The following PGM1 variants were observed in gnomAD, a reference collection of about 807,000 sequenced individuals.
PGM1 encodes phosphoglucomutase 1.
PGM1 carries 52 observed loss-of-function variants against 55.6 expected under a neutral mutation model. That is an observed-to-expected ratio of 0.94 (90% confidence interval 0.75 to 1.18). The LOEUF (loss-of-function observed/expected upper bound fraction) is 1.18, where lower values mean the gene tolerates loss of function less well. Among genes scored for constraint, PGM1 ranks in the 50% most tolerant of loss-of-function variants. The probability of loss-of-function intolerance (pLI) is 0.00; values close to 1 mark genes in which losing one functional copy is unlikely to be tolerated. For missense variants in PGM1, 724 were observed against 729.3 expected (o/e 0.99, Z 0.08); for synonymous variants, 287 against 271.7 (o/e 1.06, Z -0.55).
chr1:63,623,587 A>T (rs1190491869), intron 1 of PGM1: 1 of 1,612,874 alleles, frequency 6.2e-7, no homozygotes, highest in African/African-American at 1.3e-5. Context: ...ATTACGGAAG[A>T]AAACCTATTA....
At position 63,638,752 on chromosome 1, in the gene PGM1, A is replaced by G. The variant is rs768577524; in HGVS notation, c.1096A>G (p.Met366Val). The G allele has an allele frequency of 1.9e-6, 3 of 1,613,982 alleles. No individual in the cohort carries two copies. Among genetic ancestry groups the G allele is most frequent in the Admixed American group, 1.7e-5 (1 of 60,010 alleles). The part of the protein sequence containing the change: ...PTGWKFFGNL[M>V]DASKLSLCGE... ...TGGCTGGAAGTTTTTTGGGAATTTG[A>G]TGGACGCGAGCAAACTGTCCCTTTG... Residue 366 changes from methionine to valine, a missense_variant, in exon 7 of 11, where the codon ATG (methionine) becomes GTG (valine). Transcript: ENST00000371084.
chr1:63,624,486 T>C (rs78484037), intron 1 of PGM1, among the ~76,000 whole-genome samples: 1,833 of 152,328 alleles, frequency 0.012, 31 homozygotes, highest in African/African-American at 0.041. Context: ...CCAGAACGCA[T>C]TGATCTTGAT....
chr1:63,612,472 A>G (rs773862262), intron 1 of PGM1, among the ~76,000 whole-genome samples: 6 of 152,140 alleles, frequency 3.9e-5, no homozygotes, highest in Admixed American at 6.5e-5. Flanking sequence ...TTTGACATAC[A>G]GTGTGGTTGT....
chr1:63,629,298 C>A (rs1434668478), intron 1 of PGM1, 127 bp from the exon 2 acceptor site: 6 of 824,280 alleles, frequency 7.3e-6, no homozygotes, highest in Admixed American at 5.3e-5. Flanking sequence ...TAAATAAAAT[C>A]TTTTCTTGTC....
rs181680269 is a variant in PGM1 at position 63,612,401 on chromosome 1, G to A, written c.247-17024G>A. On this transcript the variant is annotated intron_variant, in intron 1 of 10. Transcript: ENST00000371084. ...TGGGTCAACTGGCCTGAACCCATAC[G>A]TAGAATGATTGATATATAGTTCACT... Among the ~76,000 whole-genome samples, 31 of 152,266 alleles carry A rather than the reference G, an allele frequency of 2.0e-4. No homozygotes were observed. In the East Asian group the frequency reaches 5.2e-3, roughly 26 times the overall value.
chr1:63,594,269 C>A, intron 1 of PGM1: 1 of 336,490 alleles, frequency 3.0e-6, no homozygotes, highest in South Asian at 1.2e-4. Context: ...GTGGCGAGAG[C>A]ACCCATCCCC....
chr1:63,603,086 G>C (rs939633294), intron 1 of PGM1, among the ~76,000 whole-genome samples: 1 of 152,152 alleles, frequency 6.6e-6, no homozygotes, highest in African/African-American at 2.4e-5. Context: ...TCCCCTCACT[G>C]CCCCCCAACT....
chr1:63,627,065 C>CCCA (rs1553119976), intron 1 of PGM1, among the ~76,000 whole-genome samples: 7 of 98,298 alleles, frequency 7.1e-5, no homozygotes, highest in African/African-American at 1.8e-4. Flanking sequence ...CCCCCCCCCC[C>CCCA]CACACACACA....
intron 1 of PGM1, among the ~76,000 whole-genome samples, chr1:63,601,913 A>G (rs1008161760): frequency 6.6e-6 from 1 of 152,264 alleles, no homozygotes; most frequent in Non-Finnish European, 1.5e-5. Context: ...AGTCATGCCA[A>G]TAAAGATTTA....
At chr1:63,612,033 G>A (rs1375132322) in intron 1 of PGM1, among the ~76,000 whole-genome samples, 1 of 151,942 alleles carries the variant, frequency 6.6e-6, no homozygotes, top group East Asian at 2.0e-4. Context: ...AAGGTGGGTG[G>A]ATCACTTTAG....
intron 1 of PGM1, among the ~76,000 whole-genome samples, chr1:63,611,504 A>G (rs1192755900): frequency 3.3e-5 from 5 of 152,158 alleles, no homozygotes; most frequent in Admixed American, 2.0e-4. Flanking sequence ...TTTTATACAC[A>G]GGCCAACATA....
chr1:63,612,509 GA>G (rs893723564), intron 1 of PGM1, among the ~76,000 whole-genome samples: 3 of 152,138 alleles, frequency 2.0e-5, no homozygotes, highest in Admixed American at 6.5e-5. Context: ...CTAATATTAG[GA>G]AAGGGGCTGG....
intron 3 of PGM1, among the ~76,000 whole-genome samples, chr1:63,630,671 T>A (rs1649171170): frequency 6.6e-6 from 1 of 152,234 alleles, no homozygotes; most frequent in Non-Finnish European, 1.5e-5. Flanking sequence ...ACTCCCTACA[T>A]AGGCAGCTGT....
chr1:63,626,720 T>C (rs1366668421), intron 1 of PGM1, among the ~76,000 whole-genome samples: 1 of 152,222 alleles, frequency 6.6e-6, no homozygotes, highest in African/African-American at 2.4e-5. Context: ...AAAGTTTTAG[T>C]TGTGGTAAAA....
At position 63,649,054 on chromosome 1, in the gene PGM1, C is replaced by T. The variant is rs78148317; in HGVS notation, c.1280+402C>T. Among the ~76,000 whole-genome samples, 1,288 of 152,142 alleles carry T rather than the reference C, an allele frequency of 8.5e-3. 36 individuals are homozygous for T. Among genetic ancestry groups the T allele is most frequent in the South Asian group, 0.079 (378 of 4,806 alleles). On this transcript the variant is annotated intron_variant, in intron 8 of 10. Coordinates refer to ENST00000371084, the MANE Select transcript of PGM1 (RefSeq NM_002633.3). ...ATCTGTAGAAATGGGAATAACAGTC[C>T]AGCTGTTGAGAGGATTAAATGAATA...
chr1:63,601,809 G>A (rs555175086), intron 1 of PGM1, among the ~76,000 whole-genome samples: 57 of 152,272 alleles, frequency 3.7e-4, no homozygotes, highest in Middle Eastern at 3.4e-3. Flanking sequence ...GCTGTTGGAA[G>A]TCCTCCTTCC....
At chr1:63,616,391 G>A (rs1648713223) in intron 1 of PGM1, among the ~76,000 whole-genome samples, 1 of 152,134 alleles carries the variant, frequency 6.6e-6, no homozygotes, top group African/African-American at 2.4e-5. Context: ...TAACCACATG[G>A]GTTCAGAATG....
At chr1:63,652,498 G>C (rs1320199083) in intron 9 of PGM1, among the ~76,000 whole-genome samples, 1 of 152,208 alleles carries the variant, frequency 6.6e-6, no homozygotes, top group East Asian at 1.9e-4. Flanking sequence ...CTAGGCTGCA[G>C]GCTGGGTCAG....
rs970658030 is a variant in PGM1 at position 63,648,488 on chromosome 1, C to T, written c.1145-29C>T. On this transcript the variant is annotated intron_variant, in intron 7 of 10. Coordinates refer to ENST00000371084, the MANE Select transcript of PGM1 (RefSeq NM_002633.3). ...TCAGGTACTGGGAGAAAGCACGTTTCTTACAGCAGCTTGCTGTCCCCCCTC... is the reference window on the plus strand; with the variant it reads ...TCAGGTACTGGGAGAAAGCACGTTTTTTACAGCAGCTTGCTGTCCCCCCTC... 4 of 1,613,760 alleles carry T rather than the reference C, an allele frequency of 2.5e-6. No homozygotes were observed. In the African/African-American group the frequency reaches 4.0e-5, roughly 16 times the overall value.
Sources: allele counts gnomAD v4.1 joint callset (sites outside exome capture counted in the v4.1 genomes callset), GRCh38; gene constraint gnomAD v4.1.1; transcripts MANE v1.5; gene names NCBI Gene and HGNC (gene_info 2026-07-23, HGNC 2026-07-21).